The following PPAN variants were observed in gnomAD, a reference collection of about 807,000 sequenced individuals.
PPAN encodes peter pan homolog.
Under a neutral mutation model 48.5 loss-of-function variants are expected in PPAN, and 39 were observed. The observed-to-expected ratio is 0.80, with a 90% confidence interval of 0.62 to 1.05. PPAN has a LOEUF of 1.05. Among genes scored for constraint, PPAN ranks in the 50% least tolerant of loss-of-function variants. The pLI is 0.00. For missense variants in PPAN, 736 were observed against 661.7 expected, an observed-to-expected ratio of 1.11 and a Z score of -1.23; for synonymous variants, 315 against 268.6, an observed-to-expected ratio of 1.17 and a Z score of -1.69.
chr19:10,110,314 G>A lies in PPAN; in HGVS notation c.823-10G>A, dbSNP rs763153740. The A allele has an allele frequency of 3.0e-5, 49 of 1,613,558 alleles. No individual in the cohort carries two copies. Among genetic ancestry groups the A allele is most frequent in the South Asian group, 1.4e-4 (13 of 91,060 alleles). ...AACGGTGGGCTGACGCTTCTTCCTC[G>A]TCCCCTCAGATCGGCCCGCGGATGA... On this transcript the variant is annotated splice_polypyrimidine_tract_variant and intron_variant, in intron 8 of 11. Coordinates refer to ENST00000253107, the MANE Select transcript of PPAN (RefSeq NM_020230.7). This position sits in a 1 kb window ranked among gnomAD's most constrained non-coding sequence, Gnocchi z 5.9.
Position 10,110,496 on chromosome 19 carries a change from G to A in PPAN, c.913G>A (p.Glu305Lys), listed in dbSNP as rs751063733. ...GTCTCTTGGCTCAGTGAGCAAGACG[G>A]AGGAGGAGCTGCAGGCCATCCTGGA... ...VMFHSFVSKT[E>K]EELQAILEAK... is the part of the protein sequence containing the mutation. The change falls in exon 10 of 12, where the codon GAG (glutamate) becomes AAG (lysine). Residue 305 changes from glutamate (E) to lysine (K), a missense_variant. Coordinates refer to ENST00000253107, the MANE Select transcript of PPAN (RefSeq NM_020230.7). This position sits in a 1 kb window ranked among gnomAD's most constrained non-coding sequence, Gnocchi z 5.9. 2.2e-5 allele frequency: 36 copies of A among 1,612,346 alleles called. No individual in the cohort carries two copies. The African/African-American group carries it at 3.7e-4, about 17-fold the overall frequency.
chr19:10,109,621 C>A lies in PPAN; in HGVS notation c.514-10C>A. The A allele has an allele frequency of 1.2e-6, 2 of 1,611,506 alleles. No individual in the cohort carries two copies. Among genetic ancestry groups the A allele is most frequent in the Admixed American group, 1.7e-5 (1 of 59,568 alleles). ...GTCTACTGGACTATGCTCTCTTCCT[C>A]CCCTTCCAGGTGAACCTGAACACCA... On this transcript the variant is annotated splice_polypyrimidine_tract_variant and intron_variant, in intron 5 of 11. Coordinates refer to ENST00000253107, the MANE Select transcript of PPAN (RefSeq NM_020230.7).
At position 10,110,658 on chromosome 19, in the gene PPAN, G is replaced by A; in HGVS notation, c.1032-39G>A. 6.2e-7 allele frequency: 1 copy of A among 1,611,694 alleles called. No individual in the cohort carries two copies. Among genetic ancestry groups the A allele is most frequent in the Non-Finnish European group, 8.5e-7 (1 of 1,178,914 alleles). The stretch of plus-strand genomic sequence containing the variant: ...AGGGCAGGGCCAAGGGGGGGTCCCT[G>A]GGATGGGCGGCTATGTTGACCCCCA... On this transcript the variant is annotated intron_variant, in intron 10 of 11. Coordinates refer to ENST00000253107, the MANE Select transcript of PPAN (RefSeq NM_020230.7). This position sits in a 1 kb window ranked among gnomAD's most constrained non-coding sequence, Gnocchi z 5.9.
chr19:10,110,902 C>T lies in PPAN; in HGVS notation c.1201+36C>T. On this transcript the variant is annotated intron_variant, in intron 11 of 11. Transcript: ENST00000253107. The surrounding 1 kb of genome is among the most constrained non-coding windows in gnomAD (Gnocchi z 5.9). ...GGGTCTGCAGCAGGGCACCCAGAGC[C>T]TGTCCTTGTCTCTGGGGGCCCTGAC... 6.2e-7 allele frequency: 1 copy of T among 1,613,228 alleles called. No homozygotes were observed. The highest frequency in any genetic ancestry group is 8.5e-7 in the Non-Finnish European group (1 of 1,179,810).
At position 10,111,858 on chromosome 19, in the gene PPAN, T is replaced by G; in HGVS notation, c.*693T>G. 8.2e-7 allele frequency: 1 copy of G among 1,222,234 alleles called. No individual in the cohort carries two copies. Among genetic ancestry groups the G allele is most frequent in the African/African-American group, 1.5e-5 (1 of 67,230 alleles). 75.7% of individuals were successfully genotyped at this position (1,222,234 alleles called of 1,614,324 possible). A position where few individuals can be genotyped will look rare whatever the true frequency, so the allele number is the denominator to read the frequency against. On this transcript the variant is annotated 3_prime_UTR_variant, in exon 12 of 12. Transcript: ENST00000253107. Reference sequence around the variant, plus strand: ...TGGGCACGGTGGCTCACGCCTGTAATCCCAGCACTTTGGGAGGTCGAGGGG... The same window carrying G: ...TGGGCACGGTGGCTCACGCCTGTAAGCCCAGCACTTTGGGAGGTCGAGGGG...
At position 10,108,201 on chromosome 19, in the gene PPAN, A is replaced by G; in HGVS notation, c.513+67A>G. 3.9e-6 allele frequency: 6 copies of G among 1,543,218 alleles called. No individual in the cohort carries two copies. In the East Asian group the frequency reaches 1.1e-4, roughly 29 times the overall value. The stretch of plus-strand genomic sequence containing the variant: ...GCGGATAGAGGTGCCACAGGCCCTC[A>G]GATGGATTGCTCACTCCTCCCAGCG... On this transcript the variant is annotated intron_variant, in intron 5 of 11. Coordinates refer to ENST00000253107, the MANE Select transcript of PPAN (RefSeq NM_020230.7).
Position 10,106,545 on chromosome 19 carries a change from C to G in PPAN, c.63C>G (p.Asn21Lys). The G allele has an allele frequency of 6.4e-7, 1 of 1,553,890 alleles. No homozygotes were observed. The highest frequency in any genetic ancestry group is 8.7e-7 in the Non-Finnish European group (1 of 1,148,928). The change falls in exon 2 of 12, where the codon AAC (asparagine) becomes AAG (lysine). Residue 21 changes from asparagine (N) to lysine (K), a missense_variant. Asn to Lys is a moderately conservative substitution (Grantham distance 94). Coordinates refer to ENST00000253107, the MANE Select transcript of PPAN (RefSeq NM_020230.7). ...KRARAQAQLRNLEAYAANPHS... is the reference protein window; with the variant it reads ...KRARAQAQLRKLEAYAANPHS... ...CCCGCGCCCAGGCGCAGCTCCGCAACCTCGAGGCCTATGCCGCGAACCCGC... is the reference window on the plus strand; with the variant it reads ...CCCGCGCCCAGGCGCAGCTCCGCAAGCTCGAGGCCTATGCCGCGAACCCGC...
Position 10,111,299 on chromosome 19 carries a change from G to T in PPAN, c.*134G>T, listed in dbSNP as rs1217247675. On this transcript the variant is annotated 3_prime_UTR_variant, in exon 12 of 12. Coordinates refer to ENST00000253107, the MANE Select transcript of PPAN (RefSeq NM_020230.7). Reference sequence around the variant, plus strand: ...CCAGTAAAGAACTGAATTGGCCAGGGGTCCACGTCAGCGTTTGGGATGGGG... The same window carrying T: ...CCAGTAAAGAACTGAATTGGCCAGGTGTCCACGTCAGCGTTTGGGATGGGG... 1 of 1,109,740 alleles carries T rather than the reference G, an allele frequency of 9.0e-7. No homozygotes were observed. 68.7% of individuals were successfully genotyped at this position (1,109,740 alleles called of 1,614,324 possible).
chr19:10,109,066 A>G (rs2088946802), intron 5 of PPAN, among the ~76,000 whole-genome samples: 1 of 148,860 alleles, frequency 6.7e-6, no homozygotes, highest in African/African-American at 2.5e-5. Flanking sequence ...GGTTCACGCC[A>G]TTCTCCTGCC....
At position 10,110,249 on chromosome 19, in the gene PPAN, G is replaced by A. The variant is rs376674132; in HGVS notation, c.822+3G>A. 212 of 1,611,846 alleles carry A rather than the reference G, an allele frequency of 1.3e-4. No homozygotes were observed. The highest frequency in any genetic ancestry group is 2.0e-4 in the East Asian group (9 of 44,870). On this transcript the variant is annotated splice_donor_region_variant and intron_variant, in intron 8 of 11. Transcript: ENST00000253107. This position sits in a 1 kb window ranked among gnomAD's most constrained non-coding sequence, Gnocchi z 5.9. The stretch of plus-strand genomic sequence containing the variant: ...AGAGTGCAGTGCGGCTCACCGAGGT[G>A]AGGCCCAGGGCAGGGGGACCCCCGG...
In PPAN at chr19:10,106,601, G is replaced by A. The variant is rs756658300; in HGVS notation, c.119G>A (p.Gly40Asp). The change falls in exon 2 of 12, where the codon GGT becomes GAT. Residue 40 changes from glycine (G) to aspartate (D), a missense_variant. Coordinates refer to ENST00000253107, the MANE Select transcript of PPAN (RefSeq NM_020230.7). ...TTCGTGTTCACGCGAGGCTGCACGG[G>A]TCGCAACATCCGGCAGCTCAGCCTG... is the stretch of plus-strand genomic sequence containing the variant. ...HSFVFTRGCTGRNIRQLSLDV... is the reference protein window; with the variant it reads ...HSFVFTRGCTDRNIRQLSLDV... 14 of 1,550,598 alleles carry A rather than the reference G, an allele frequency of 9.0e-6. No individual in the cohort carries two copies. Among genetic ancestry groups the A allele is most frequent in the Non-Finnish European group, 1.2e-5 (14 of 1,147,906 alleles).
In PPAN at chr19:10,111,175, G is replaced by A. The variant is rs773649266; in HGVS notation, c.*10G>A. 1.9e-6 allele frequency: 3 copies of A among 1,556,414 alleles called. No individual in the cohort carries two copies. Among genetic ancestry groups the A allele is most frequent in the Non-Finnish European group, 2.6e-6 (3 of 1,153,436 alleles). ...GAAGAGAGTGGCCTGAGCCCAAGCC[G>A]CACCGGAGCAGCGGCTGGATTGAAC... On this transcript the variant is annotated 3_prime_UTR_variant, in exon 12 of 12. Transcript: ENST00000253107.
rs746369048 is a variant in PPAN, at chr19:10,110,127, G to A, written c.703G>A (p.Ala235Thr). The A allele has an allele frequency of 1.1e-5, 18 of 1,610,740 alleles. No individual in the cohort carries two copies. The highest frequency in any genetic ancestry group is 1.6e-4 in the Middle Eastern group (1 of 6,082). The change falls in exon 8 of 12, where the codon GCG (alanine) becomes ACG (threonine). Residue 235 changes from alanine to threonine, a missense_variant. By Grantham distance (58) the Ala-to-Thr change is moderately conservative. Coordinates refer to ENST00000253107, the MANE Select transcript of PPAN (RefSeq NM_020230.7). This position sits in a 1 kb window ranked among gnomAD's most constrained non-coding sequence, Gnocchi z 5.9. ...CCTGTTATGTCCTACACACAGGGGC[G>A]CGGGGCTGTCGGAGAGCGAGGCAGA... The part of the protein sequence containing the change: ...QDISELLATG[A>T]GLSESEAEPD...
In PPAN at chr19:10,109,891, C is replaced by T. The variant is rs756017799; in HGVS notation, c.591-22C>T. 3.1e-6 allele frequency: 5 copies of T among 1,612,546 alleles called. No individual in the cohort carries two copies. In the South Asian group the frequency reaches 3.3e-5, roughly 11 times the overall value. Reference sequence around the variant, plus strand: ...CACGTGCCCCCTGACCACCCCCTTGCCGTCCACTCATGTTCCTGCAGTAGC... The same window carrying T: ...CACGTGCCCCCTGACCACCCCCTTGTCGTCCACTCATGTTCCTGCAGTAGC... On this transcript the variant is annotated intron_variant, in intron 6 of 11. Transcript: ENST00000253107.
chr19:10,106,702 C>G (rs889491581), intron 2 of PPAN, 31 bp downstream of exon 2: 1 of 1,504,800 alleles, frequency 6.6e-7, no homozygotes, highest in South Asian at 1.2e-5. Flanking sequence ...CCGCCTCCAC[C>G]CACCCTCGGC....
chr19:10,106,461 C>T, intron 1 of PPAN, 40 bp from the exon 2 acceptor site: 2 of 1,547,322 alleles, frequency 1.3e-6, no homozygotes, highest in African/African-American at 1.4e-5. Context: ...GGGTCCCGGC[C>T]GAGGTCGCGG....
chr19:10,106,496 C>A lies in PPAN; in HGVS notation c.19-5C>A. The A allele has an allele frequency of 6.5e-7, 1 of 1,550,106 alleles. No homozygotes were observed. Among genetic ancestry groups the A allele is most frequent in the South Asian group, 1.2e-5 (1 of 84,002 alleles). On this transcript the variant is annotated splice_region_variant and splice_polypyrimidine_tract_variant and intron_variant, in intron 1 of 11. Transcript: ENST00000253107. ...GCGCTGACCCTTTGTCTCTCGTCGC[C>A]GCAGTCCCGGCACCAGAAGCGCGCC...
chr19:10,109,867 A>G, intron 6 of PPAN, 46 bp from the exon 7 acceptor site: 2 of 1,608,464 alleles, frequency 1.2e-6, no homozygotes, highest in Non-Finnish European at 1.7e-6. Context: ...CAGCCCCATC[A>G]CGTGCCCCCT....
rs142965918 is a variant in PPAN at position 10,110,729 on chromosome 19, G to A, written c.1064G>A (p.Arg355Gln). ...KKSLEGMKKARVGGSDEEASG... is the reference protein window; with the variant it reads ...KKSLEGMKKAQVGGSDEEASG... ...AGCCTGGAGGGCATGAAGAAGGCAC[G>A]GGTCGGGGGTAGTGATGAAGAGGCC... Residue 355 changes from arginine (R) to glutamine (Q), a missense_variant, in exon 11 of 12, where the codon CGG becomes CAG. Physicochemically the swap from Arg to Gln is conservative, Grantham distance 43. Coordinates refer to ENST00000253107, the MANE Select transcript of PPAN (RefSeq NM_020230.7). This position sits in a 1 kb window ranked among gnomAD's most constrained non-coding sequence, Gnocchi z 5.9. The A allele has an allele frequency of 3.6e-5, 58 of 1,613,778 alleles. No homozygotes were observed. Among genetic ancestry groups the A allele is most frequent in the Non-Finnish European group, 4.5e-5 (53 of 1,179,980 alleles).
Sources: gnomAD v4.1 joint callset for allele counts (sites outside exome capture counted in the v4.1 genomes callset) on GRCh38, gnomAD v4.1.1 for gene constraint, Gnocchi (gnomAD v3.1) non-coding constraint, MANE v1.5 for transcripts, NCBI Gene and HGNC (gene_info 2026-07-23, HGNC 2026-07-21) for gene names.